The following BTBD9 variants were observed in gnomAD, a reference collection of about 807,000 sequenced individuals.
BTBD9 encodes the protein BTB domain containing 9, also known as BTB/POZ domain-containing protein 9.
BTBD9 carries 49 observed loss-of-function variants against 64.3 expected under a neutral mutation model. The observed-to-expected ratio is 0.76, with a 90% CI of 0.61 to 0.97. BTBD9 has a LOEUF of 0.97. BTBD9 is among the 50% of genes least tolerant of loss of function. The pLI is 0.00. For synonymous variants in BTBD9, 260 were observed against 274.7 expected, an observed-to-expected ratio of 0.95 and a Z score of 0.53; for missense variants, 598 against 762.1, an observed-to-expected ratio of 0.78 and a Z score of 2.53.
In BTBD9 at chr6:38,602,957, A is replaced by T. The variant is rs117645748; in HGVS notation, c.-27-4836T>A. 1.4e-4 allele frequency among the ~76,000 whole-genome samples: 22 copies of T among 152,210 alleles called. No homozygotes were observed. The East Asian group carries it at 4.1e-3, about 28-fold the overall frequency. ...TGATATATCCCAACTAAAGATCTTC[A>T]CCTAAGAGAGTTTCAGTCTGACTTT... On this transcript the variant is annotated intron_variant, in intron 1 of 10. Coordinates refer to ENST00000481247, the MANE Select transcript of BTBD9 (RefSeq NM_001099272.2).
chr6:38,599,549 C>T (rs1777175700), intron 1 of BTBD9, among the ~76,000 whole-genome samples: 1 of 152,182 alleles, frequency 6.6e-6, no homozygotes, highest in Non-Finnish European at 1.5e-5. Flanking sequence ...GTTGATAGCT[C>T]AGAGGTAGCC....
chr6:38,314,271 CT>C (rs1762954711), intron 7 of BTBD9, among the ~76,000 whole-genome samples: 1 of 151,922 alleles, frequency 6.6e-6, no homozygotes, highest in Non-Finnish European at 1.5e-5. Flanking sequence ...TCTCGGCTCA[CT>C]GCAAGCTCCG....
chr6:38,237,710 C>A (rs1763826618), intron 9 of BTBD9, among the ~76,000 whole-genome samples: 1 of 151,922 alleles, frequency 6.6e-6, no homozygotes, highest in African/African-American at 2.4e-5. Context: ...TAATTCCTTA[C>A]AAAAAAGTGC....
intron 6 of BTBD9, among the ~76,000 whole-genome samples, chr6:38,468,969 G>A (rs1770515722): frequency 6.6e-6 from 1 of 151,898 alleles, no homozygotes; most frequent in Non-Finnish European, 1.5e-5. Context: ...GGGACTCAGA[G>A]GATTATTAAA....
At chr6:38,214,131 AT>A (rs1762930290) in intron 9 of BTBD9, among the ~76,000 whole-genome samples, 1 of 152,032 alleles carries the variant, frequency 6.6e-6, no homozygotes, top group Non-Finnish European at 1.5e-5. Flanking sequence ...GTTGGCCTAG[AT>A]TTCTCTCAGG....
intron 6 of BTBD9, among the ~76,000 whole-genome samples, chr6:38,497,858 A>C (rs551261704): frequency 6.6e-6 from 1 of 152,312 alleles, no homozygotes; most frequent in South Asian, 2.1e-4. Context: ...TATTATTTTA[A>C]GTCTTAATTA....
rs907087493 is a variant in BTBD9 at position 38,173,257 on chromosome 6, C to G, written c.*1728G>C. ...GGGCCCCCCACTGTGAGCGGGCGCC[C>G]ACCGTTCCTTACAGGAGCCTCCTCC... On this transcript the variant is annotated 3_prime_UTR_variant, in exon 11 of 11. Coordinates refer to ENST00000481247, the MANE Select transcript of BTBD9 (RefSeq NM_001099272.2). The G allele has an allele frequency of 2.0e-5, 3 of 152,242 alleles. No homozygotes were observed. Among genetic ancestry groups the G allele is most frequent in the Non-Finnish European group, 4.4e-5 (3 of 68,050 alleles). The allele number at this position is 152,242 out of a possible 1,614,324, so 9.4% of individuals were successfully genotyped here.
chr6:38,240,302 T>G (rs1299571934), intron 9 of BTBD9, among the ~76,000 whole-genome samples: 1 of 152,232 alleles, frequency 6.6e-6, no homozygotes, highest in Admixed American at 6.5e-5. Context: ...TGCATTGGGA[T>G]CAAGGCCCCT....
At chr6:38,286,269 G>C (rs1257649783) in intron 8 of BTBD9, among the ~76,000 whole-genome samples, 1 of 152,170 alleles carries the variant, frequency 6.6e-6, no homozygotes, top group Non-Finnish European at 1.5e-5. Flanking sequence ...ACTCCTTAGG[G>C]TGCCCTGGGG....
At chr6:38,328,564 C>CGTATGTGTGT (rs1554139323) in intron 7 of BTBD9, among the ~76,000 whole-genome samples, 1 of 130,408 alleles carries the variant, frequency 7.7e-6, no homozygotes, top group African/African-American at 3.0e-5. Flanking sequence ...TTTAAGCCAC[C>CGTATGTGTGT]GTGTGTGTGT....
chr6:38,501,349 T>C (rs1026587856), intron 6 of BTBD9, among the ~76,000 whole-genome samples: 12 of 152,274 alleles, frequency 7.9e-5, no homozygotes, highest in African/African-American at 1.9e-4. Flanking sequence ...GTAGGTATAA[T>C]ACAAATATTC....
Position 38,602,646 on chromosome 6 carries a change from A to G in BTBD9, c.-27-4525T>C, listed in dbSNP as rs1777295511. The stretch of plus-strand genomic sequence containing the variant: ...ATGTTTATTTGTAGTAAAACTATAA[A>G]CAAATATGTCAGTAAGTTTGGCCAC... On this transcript the variant is annotated intron_variant, in intron 1 of 10. Transcript: ENST00000481247. Among the ~76,000 whole-genome samples the G allele has an allele frequency of 2.0e-5, 3 of 152,068 alleles. No individual in the cohort carries two copies. The South Asian group carries it at 6.2e-4, about 31-fold the overall frequency.
At chr6:38,331,576 T>C (rs757241582) in intron 7 of BTBD9, among the ~76,000 whole-genome samples, 2 of 152,118 alleles carry the variant, frequency 1.3e-5, no homozygotes, top group Non-Finnish European at 2.9e-5. Flanking sequence ...CATTTTATTT[T>C]GGCCAGGTGT....
At position 38,549,284 on chromosome 6, in the gene BTBD9, T is replaced by C. The variant is rs140307505; in HGVS notation, c.1154+28316A>G. 4.5e-3 allele frequency among the ~76,000 whole-genome samples: 690 copies of C among 152,318 alleles called. 6 individuals carry two copies. The highest frequency in any genetic ancestry group is 6.2e-3 in the Non-Finnish European group (423 of 68,016). On this transcript the variant is annotated intron_variant, in intron 6 of 10. Coordinates refer to ENST00000481247, the MANE Select transcript of BTBD9 (RefSeq NM_001099272.2). ...ATCTCTATCACCCAACCAGCTATTA[T>C]GGTTAAATAGATAATGGATATAAAA...
At chr6:38,374,296 T>TATATATATATATATATATACAC (rs1491482634) in intron 6 of BTBD9, among the ~76,000 whole-genome samples, 6 of 70,640 alleles carry the variant, frequency 8.5e-5, no homozygotes, top group Admixed American at 1.5e-4. Flanking sequence ...TATATATATA[T>TATATATATATATATATATACAC]GTATATATAT....
At chr6:38,405,356 G>C (rs957816349) in intron 6 of BTBD9, among the ~76,000 whole-genome samples, 4 of 152,102 alleles carry the variant, frequency 2.6e-5, no homozygotes, top group African/African-American at 9.7e-5. Flanking sequence ...GCCAACTTCT[G>C]GTTTCTTGCC....
At chr6:38,368,229 A>G (rs1223798355) in intron 6 of BTBD9, among the ~76,000 whole-genome samples, 1 of 152,196 alleles carries the variant, frequency 6.6e-6, no homozygotes, top group African/African-American at 2.4e-5. Flanking sequence ...TCTGCACTTT[A>G]TACATAAAAA....
At chr6:38,353,966 A>T (rs1244398110) in intron 6 of BTBD9, among the ~76,000 whole-genome samples, 1 of 152,212 alleles carries the variant, frequency 6.6e-6, no homozygotes, top group Admixed American at 6.5e-5. Context: ...TTGTAACTTA[A>T]AAGTTTAAGG....
chr6:38,297,791 T>C (rs1358809828), intron 7 of BTBD9, among the ~76,000 whole-genome samples: 1 of 151,920 alleles, frequency 6.6e-6, no homozygotes, highest in Admixed American at 6.6e-5. Context: ...TATTTACATG[T>C]TTTTTCTTTG....
Sources: allele counts gnomAD v4.1 joint callset (sites outside exome capture counted in the v4.1 genomes callset), GRCh38; gene constraint gnomAD v4.1.1; transcripts MANE v1.5; gene names NCBI Gene and HGNC (gene_info 2026-07-23, HGNC 2026-07-21).